Variants in TSPAN5 observed in about 807,000 individuals in gnomAD.
TSPAN5 encodes tetraspanin 5.
Under a neutral mutation model 37.1 loss-of-function variants are expected in TSPAN5, and 10 were observed. The observed-to-expected ratio is 0.27, with a 90% CI of 0.17 to 0.46. The LOEUF is 0.46. Ranked by LOEUF, TSPAN5 falls within the 20% of genes least tolerant of loss-of-function variation. The pLI, the probability that TSPAN5 is intolerant of heterozygous loss-of-function variation, is 1.00. For missense variants in TSPAN5, 195 were observed against 326.6 expected, an observed-to-expected ratio of 0.60 and a Z score of 3.11; for synonymous variants, 110 against 118.9, an observed-to-expected ratio of 0.93 and a Z score of 0.48.
rs78216491 is a variant in TSPAN5, at chr4:98,565,128, C to T, written c.82-57400G>A. Among the ~76,000 whole-genome samples, 3,155 of 152,176 alleles carry T rather than the reference C, an allele frequency of 0.021. 211 individuals are homozygous for T. The East Asian group carries it at 0.24, about 12-fold the overall frequency. On this transcript the variant is annotated intron_variant, in intron 1 of 7. Coordinates refer to ENST00000305798, the MANE Select transcript of TSPAN5 (RefSeq NM_005723.4). ...ACCTTGGATCCTGCACAATATGGCT[C>T]GTCATATCCTTTGTGACTGCTATGA...
In TSPAN5 at chr4:98,658,475, C is replaced by G; in HGVS notation, c.-249G>C. 3.7e-6 allele frequency: 1 copy of G among 269,266 alleles called. No individual in the cohort carries two copies. The highest frequency in any genetic ancestry group is 6.9e-6 in the Non-Finnish European group (1 of 145,328). 16.7% of individuals were successfully genotyped at this position (269,266 alleles called of 1,614,324 possible). A position where few individuals can be genotyped will look rare whatever the true frequency, so the allele number is the denominator to read the frequency against. ...AAGCAGGGAAGCCGCGCGCTGCAAG[C>G]TCAAGCCTCGCCGACGCTAGCCCCG... On this transcript the variant is annotated 5_prime_UTR_variant, in exon 1 of 8. Transcript: ENST00000305798.
chr4:98,561,887 G>A (rs139006559), intron 1 of TSPAN5, among the ~76,000 whole-genome samples: 16 of 152,302 alleles, frequency 1.1e-4, no homozygotes, highest in Admixed American at 5.2e-4. Flanking sequence ...TCACTACACC[G>A]TCGCTGCGTC....
chr4:98,524,558 G>A (rs567114733), intron 1 of TSPAN5, among the ~76,000 whole-genome samples: 9 of 152,142 alleles, frequency 5.9e-5, no homozygotes, highest in Non-Finnish European at 8.8e-5. Context: ...TAAAACTGAC[G>A]TCCATGTGAG....
intron 7 of TSPAN5, 99 bp downstream of exon 7, chr4:98,476,090 A>C: frequency 2.3e-6 from 2 of 868,964 alleles, no homozygotes; most frequent in Non-Finnish European, 3.8e-6. Context: ...TGTCTTAAAA[A>C]CTATGACAAT....
chr4:98,476,164 T>A (rs1208674836), intron 7 of TSPAN5, 25 bp downstream of exon 7: 1 of 1,555,478 alleles, frequency 6.4e-7, no homozygotes, highest in East Asian at 2.2e-5. Context: ...TTCCCTGTGA[T>A]ATCCATAAAG....
At chr4:98,557,723 C>T (rs1012744958) in intron 1 of TSPAN5, among the ~76,000 whole-genome samples, 1 of 152,178 alleles carries the variant, frequency 6.6e-6, no homozygotes. Flanking sequence ...GCATCGGCCA[C>T]GTGATCAAGA....
chr4:98,606,198 A>G (rs1756035011), intron 1 of TSPAN5, among the ~76,000 whole-genome samples: 1 of 152,250 alleles, frequency 6.6e-6, no homozygotes, highest in African/African-American at 2.4e-5. Context: ...GTCACAGAGC[A>G]AAAGAAGCTT....
intron 1 of TSPAN5, among the ~76,000 whole-genome samples, chr4:98,530,942 T>C (rs932250976): frequency 6.6e-6 from 1 of 152,150 alleles, no homozygotes; most frequent in East Asian, 1.9e-4. Context: ...GGTCTCACTA[T>C]GTCGCCCAGG....
chr4:98,623,320 A>G lies in TSPAN5; in HGVS notation c.81+34826T>C, dbSNP rs545354732. On this transcript the variant is annotated intron_variant, in intron 1 of 7. Coordinates refer to ENST00000305798, the MANE Select transcript of TSPAN5 (RefSeq NM_005723.4). ...AAAGGGTCTGAAAGCTGGAGAAGAC[A>G]GTTGGATGCCACTTCAAAGTATCAC... is the stretch of plus-strand genomic sequence containing the variant. Among the ~76,000 whole-genome samples, 17 of 152,344 alleles carry G rather than the reference A, an allele frequency of 1.1e-4. No individual in the cohort carries two copies. In the East Asian group the frequency reaches 3.1e-3, roughly 28 times the overall value.
intron 1 of TSPAN5, among the ~76,000 whole-genome samples, chr4:98,520,372 T>C (rs1006382824): frequency 3.3e-5 from 5 of 152,226 alleles, no homozygotes; most frequent in African/African-American, 4.8e-5. Flanking sequence ...GAGTCCAGCA[T>C]GACCACCAGA....
At chr4:98,588,205 A>C (rs1267181338) in intron 1 of TSPAN5, among the ~76,000 whole-genome samples, 1 of 152,164 alleles carries the variant, frequency 6.6e-6, no homozygotes, top group Non-Finnish European at 1.5e-5. Flanking sequence ...TGCAGGATGA[A>C]AGAGATAAAA....
chr4:98,654,235 G>A (rs1191603750), intron 1 of TSPAN5, among the ~76,000 whole-genome samples: 1 of 152,176 alleles, frequency 6.6e-6, no homozygotes, highest in East Asian at 1.9e-4. Context: ...TCACAGAACT[G>A]TGAACTATAA....
chr4:98,626,709 G>C (rs908012465), intron 1 of TSPAN5, among the ~76,000 whole-genome samples: 1 of 152,020 alleles, frequency 6.6e-6, no homozygotes, highest in Non-Finnish European at 1.5e-5. Flanking sequence ...ACAATCACTA[G>C]TGTGGGAGGC....
chr4:98,547,073 CA>C (rs1754486929), intron 1 of TSPAN5, among the ~76,000 whole-genome samples: 1 of 152,124 alleles, frequency 6.6e-6, no homozygotes, highest in Non-Finnish European at 1.5e-5. Flanking sequence ...AATTGGCAAG[CA>C]TAACAGTAGC....
intron 1 of TSPAN5, among the ~76,000 whole-genome samples, chr4:98,632,571 C>T (rs1756771761): frequency 6.6e-6 from 1 of 152,164 alleles, no homozygotes; most frequent in Admixed American, 6.5e-5. Context: ...TGGAGCACTT[C>T]GAAAACCCTG....
chr4:98,516,416 G>C (rs1753730158), intron 1 of TSPAN5, among the ~76,000 whole-genome samples: 1 of 152,220 alleles, frequency 6.6e-6, no homozygotes, highest in Admixed American at 6.5e-5. Flanking sequence ...ACCCAGAGTA[G>C]CTTATGTTCC....
At chr4:98,619,000 T>C (rs1056073224) in intron 1 of TSPAN5, among the ~76,000 whole-genome samples, 8 of 152,098 alleles carry the variant, frequency 5.3e-5, no homozygotes, top group African/African-American at 1.4e-4. Flanking sequence ...GGAAAGATAA[T>C]CTTTTTCTAA....
chr4:98,482,130 C>T lies in TSPAN5; in HGVS notation c.325G>A (p.Gly109Arg), dbSNP rs759725110. ...TCTTTGAAAACAAATGCTAGAACTC[C>T]GGCAGTGAGCTCCAGGAAGAAAATA... is the stretch of plus-strand genomic sequence containing the variant. ...GIIFFLELTAGVLAFVFKDWI... is the reference protein window; with the variant it reads ...GIIFFLELTARVLAFVFKDWI... Residue 109 changes from glycine (G) to arginine (R), a missense_variant, in exon 4 of 8, where the codon GGA becomes AGA. Gly to Arg is a moderately radical substitution (Grantham distance 125, BLOSUM62 -2). Coordinates refer to ENST00000305798, the MANE Select transcript of TSPAN5 (RefSeq NM_005723.4). The T allele has an allele frequency of 1.2e-6, 2 of 1,613,874 alleles. No homozygotes were observed. Among genetic ancestry groups the T allele is most frequent in the African/African-American group, 1.3e-5 (1 of 74,896 alleles).
chr4:98,510,740 G>T (rs1753584792), intron 1 of TSPAN5, among the ~76,000 whole-genome samples: 1 of 152,168 alleles, frequency 6.6e-6, no homozygotes, highest in African/African-American at 2.4e-5. Context: ...AAGGGTTTAA[G>T]AACTGGGAAA....
Sources: allele counts gnomAD v4.1 joint callset (sites outside exome capture counted in the v4.1 genomes callset), GRCh38; gene constraint gnomAD v4.1.1; transcripts MANE v1.5; gene names NCBI Gene and HGNC (gene_info 2026-07-23, HGNC 2026-07-21).